Variants in PACS1 observed in about 807,000 individuals in gnomAD.
PACS1 encodes PACS-1.
A neutral mutation model predicts 115.0 loss-of-function variants in PACS1; 24 were observed. The observed-to-expected ratio is 0.21, with a 90% CI of 0.15 to 0.29. PACS1 has a LOEUF of 0.29. Ranked by LOEUF, PACS1 falls within the 10% of genes least tolerant of loss-of-function variation. PACS1 has a pLI of 1.00. For synonymous variants in PACS1, 453 were observed against 504.5 expected (o/e 0.90, Z 1.37); for missense variants, 838 against 1,251.2 (o/e 0.67, Z 4.98).
At chr11:66,176,386 T>C (rs1859861374) in intron 1 of PACS1, among the ~76,000 whole-genome samples, 1 of 151,380 alleles carries the variant, frequency 6.6e-6, no homozygotes. Context: ...TAAAATCCTT[T>C]AATTTCTATG....
chr11:66,238,699 A>T, intron 19 of PACS1, 105 bp from the exon 20 acceptor site: 1 of 1,067,570 alleles, frequency 9.4e-7, no homozygotes, highest in Non-Finnish European at 1.4e-6. Flanking sequence ...CGGCAATAAA[A>T]TAATGTGTAG....
At chr11:66,194,737 T>C (rs1291627021) in intron 2 of PACS1, among the ~76,000 whole-genome samples, 1 of 152,208 alleles carries the variant, frequency 6.6e-6, no homozygotes, top group East Asian at 1.9e-4. Context: ...AATAGCAAAC[T>C]GTATGATAAC....
At chr11:66,104,172 CAGAT>C (rs1857982192) in intron 1 of PACS1, among the ~76,000 whole-genome samples, 1 of 152,040 alleles carries the variant, frequency 6.6e-6, no homozygotes, top group Non-Finnish European at 1.5e-5. Context: ...GAAGGGAATT[CAGAT>C]AGAGGGAATA....
intron 1 of PACS1, among the ~76,000 whole-genome samples, chr11:66,140,121 G>A (rs1858943858): frequency 6.6e-6 from 1 of 152,186 alleles, no homozygotes; most frequent in African/African-American, 2.4e-5. Flanking sequence ...ATAGCTCAGT[G>A]CTTCTCAAAC....
At chr11:66,071,659 A>T (rs1857311938) in intron 1 of PACS1, among the ~76,000 whole-genome samples, 1 of 152,198 alleles carries the variant, frequency 6.6e-6, no homozygotes, top group Non-Finnish European at 1.5e-5. Context: ...CCACTTGAAT[A>T]AGACGGTGTG....
At chr11:66,202,270 C>A (rs1854818604) in intron 2 of PACS1, among the ~76,000 whole-genome samples, 3 of 152,064 alleles carry the variant, frequency 2.0e-5, no homozygotes, top group South Asian at 4.1e-4. Flanking sequence ...AAAGCCCAGG[C>A]CTTGATAGCT....
chr11:66,110,883 TA>T (rs1365569265), intron 1 of PACS1, among the ~76,000 whole-genome samples: 2 of 152,196 alleles, frequency 1.3e-5, no homozygotes, highest in Non-Finnish European at 2.9e-5. Flanking sequence ...TTTTACTCTT[TA>T]TACGTGTGTT....
intron 1 of PACS1, among the ~76,000 whole-genome samples, chr11:66,133,366 A>G (rs1452380494): frequency 1.3e-5 from 2 of 152,082 alleles, no homozygotes; most frequent in South Asian, 2.1e-4. Flanking sequence ...TTTTTTTCCT[A>G]TGTTCTGCTC....
intron 2 of PACS1, among the ~76,000 whole-genome samples, chr11:66,203,232 A>G (rs571687062): frequency 6.6e-6 from 1 of 152,268 alleles, no homozygotes; most frequent in South Asian, 2.1e-4. Context: ...TGAAAAAGAA[A>G]TCAAGAAAGT....
At chr11:66,140,018 A>G (rs968009719) in intron 1 of PACS1, among the ~76,000 whole-genome samples, 1 of 152,216 alleles carries the variant, frequency 6.6e-6, no homozygotes, top group African/African-American at 2.4e-5. Context: ...GTATTTGGCA[A>G]AACCAACCTT....
intron 1 of PACS1, among the ~76,000 whole-genome samples, chr11:66,139,689 C>A (rs1030658258): frequency 6.6e-6 from 1 of 152,062 alleles, no homozygotes; most frequent in Non-Finnish European, 1.5e-5. Context: ...GGATCACATT[C>A]TTTTTTGTGG....
chr11:66,195,662 C>T (rs1854633524), intron 2 of PACS1, among the ~76,000 whole-genome samples: 1 of 152,090 alleles, frequency 6.6e-6, no homozygotes, highest in Non-Finnish European at 1.5e-5. Flanking sequence ...TACTTCCAAG[C>T]AGCTGAAAGT....
intron 1 of PACS1, among the ~76,000 whole-genome samples, chr11:66,101,722 A>C (rs1448437135): frequency 6.6e-6 from 1 of 152,130 alleles, no homozygotes; most frequent in African/African-American, 2.4e-5. Flanking sequence ...TTTTATATGC[A>C]CTAAAATTAC....
intron 1 of PACS1, among the ~76,000 whole-genome samples, chr11:66,078,458 C>T (rs887858914): frequency 2.0e-5 from 3 of 152,198 alleles, no homozygotes; most frequent in African/African-American, 7.2e-5. Context: ...TCCAAACTAC[C>T]TCTCAAAACT....
chr11:66,088,809 A>G (rs1857613524), intron 1 of PACS1, among the ~76,000 whole-genome samples: 1 of 152,206 alleles, frequency 6.6e-6, no homozygotes. Flanking sequence ...TTTATTCAGG[A>G]TTGCATTGAT....
intron 1 of PACS1, among the ~76,000 whole-genome samples, chr11:66,073,942 TTA>T (rs888668686): frequency 2.7e-5 from 4 of 147,808 alleles, no homozygotes; most frequent in African/African-American, 1.0e-4. Context: ...TTTTTTTTTT[TTA>T]AAAACAGGGT....
At chr11:66,092,898 A>G (rs1278587195) in intron 1 of PACS1, among the ~76,000 whole-genome samples, 1 of 152,156 alleles carries the variant, frequency 6.6e-6, no homozygotes, top group African/African-American at 2.4e-5. Flanking sequence ...GTTTGGTACC[A>G]TGCTGTTTCG....
chr11:66,103,889 A>T (rs1857975590), intron 1 of PACS1, among the ~76,000 whole-genome samples: 3 of 152,084 alleles, frequency 2.0e-5, no homozygotes. Flanking sequence ...CTGCTTTATT[A>T]TCAGCTCAGG....
intron 1 of PACS1, among the ~76,000 whole-genome samples, chr11:66,115,228 A>C (rs1858279398): frequency 6.6e-6 from 1 of 151,646 alleles, no homozygotes; most frequent in Non-Finnish European, 1.5e-5. Context: ...AAAAAAAAAA[A>C]ACTAGAACAG....
Sources: allele counts gnomAD v4.1 joint callset (sites outside exome capture counted in the v4.1 genomes callset), GRCh38; gene constraint gnomAD v4.1.1; transcripts MANE v1.5; gene names NCBI Gene and HGNC (gene_info 2026-07-23, HGNC 2026-07-21).